Variants in DMD observed in about 807,000 individuals in gnomAD.
DMD encodes the protein dystrophin.
Under a neutral mutation model 330.1 loss-of-function variants are expected in DMD, and 63 were observed. That is an observed-to-expected ratio of 0.19 (90% CI 0.16 to 0.24). The LOEUF (loss-of-function observed/expected upper bound fraction) is 0.24. Among genes scored for constraint, DMD ranks in the 10% least tolerant of loss-of-function variants. The probability of loss-of-function intolerance (pLI) is 1.00; values close to 1 mark genes in which losing one functional copy is unlikely to be tolerated. For synonymous variants in DMD, 1,223 were observed against 959.8 expected (o/e 1.27, Z -5.07); for missense variants, 3,344 against 2,684.1 (o/e 1.25, Z -5.43).
intron 77 of DMD, among the ~76,000 whole-genome samples, chrX:31,127,509 C>T (rs1191036619): frequency 8.9e-6 from 1 of 112,347 alleles, no homozygotes; most frequent in Non-Finnish European, 1.9e-5. Flanking sequence ...CTGTCTTGGG[C>T]ATGCAATTTC....
intron 63 of DMD, among the ~76,000 whole-genome samples, chrX:31,245,352 C>A (rs775444363): frequency 1.8e-5 from 2 of 111,573 alleles, no homozygotes; most frequent in East Asian, 2.8e-4. Context: ...GTTTTCCTCC[C>A]GAGCAAAATC....
intron 7 of DMD, among the ~76,000 whole-genome samples, chrX:32,758,564 G>A (rs2748318): frequency 0.44 from 48,707 of 109,653 alleles, 9,463 homozygotes; most frequent in African/African-American, 0.75. Context: ...GTTATTCAAC[G>A]ACCAAGACTC....
chrX:33,250,763 A>G (rs1017356650), intron 1 of DMD, among the ~76,000 whole-genome samples: 4 of 111,442 alleles, frequency 3.6e-5, no homozygotes, highest in Non-Finnish European at 5.6e-5. Flanking sequence ...CATTTAAAAT[A>G]TAAATATAAT....
chrX:31,341,173 C>G (rs1298569426), intron 61 of DMD, among the ~76,000 whole-genome samples: 1 of 112,059 alleles, frequency 8.9e-6, no homozygotes, highest in Non-Finnish European at 1.9e-5. Context: ...ATAGCAAACA[C>G]TTGAATAGCA....
chrX:31,451,900 G>A, intron 59 of DMD, among the ~76,000 whole-genome samples: 1 of 110,581 alleles, frequency 9.0e-6, no homozygotes, highest in East Asian at 2.9e-4. Flanking sequence ...ATAGCCTGAA[G>A]GCAAAATATT....
chrX:33,041,308 C>A (rs930955682), intron 1 of DMD: 14 of 1,042,180 alleles, frequency 1.3e-5, no homozygotes, highest in Middle Eastern at 3.6e-4. Context: ...CGCCGGCGAC[C>A]AAGCCTAAAT....
At chrX:32,465,477 G>A (rs1334991463) in intron 23 of DMD, among the ~76,000 whole-genome samples, 1 of 109,319 alleles carries the variant, frequency 9.1e-6, no homozygotes, top group African/African-American at 3.3e-5. Context: ...TTATCTAAGA[G>A]AACTTCAAGA....
chrX:32,763,908 A>G (rs768718621), intron 7 of DMD, among the ~76,000 whole-genome samples: 1 of 111,795 alleles, frequency 8.9e-6, no homozygotes, highest in South Asian at 3.7e-4. Context: ...CTGTTAAAAA[A>G]GACCCCAAAT....
intron 60 of DMD, among the ~76,000 whole-genome samples, chrX:31,356,117 T>C (rs188165660): frequency 1.5e-3 from 167 of 111,755 alleles, no homozygotes; most frequent in African/African-American, 3.6e-3. Flanking sequence ...TTAAACAGTG[T>C]TTCTTGCGTT....
chrX:31,517,102 C>T (rs1428700049), intron 55 of DMD, among the ~76,000 whole-genome samples: 1 of 111,431 alleles, frequency 9.0e-6, no homozygotes, highest in African/African-American at 3.3e-5. Flanking sequence ...TCTTCTCATC[C>T]AGTCACAATG....
At chrX:31,732,534 T>C (rs1036764421) in intron 51 of DMD, among the ~76,000 whole-genome samples, 3 of 111,972 alleles carry the variant, frequency 2.7e-5, no homozygotes, top group African/African-American at 9.7e-5. Context: ...GGGTATTCTA[T>C]TTATTTGCTA....
chrX:32,047,027 A>G (rs1314829880), intron 44 of DMD, among the ~76,000 whole-genome samples: 1 of 111,617 alleles, frequency 9.0e-6, no homozygotes, highest in African/African-American at 3.2e-5. Flanking sequence ...TAGAGTTTAT[A>G]TATTTGTAAG....
At chrX:32,590,245 T>A (rs1323736884) in intron 13 of DMD, among the ~76,000 whole-genome samples, 1 of 112,513 alleles carries the variant, frequency 8.9e-6, no homozygotes, top group Non-Finnish European at 1.9e-5. Context: ...AATATGTTTA[T>A]TAACTGCATG....
chrX:32,014,019 C>T (rs997859111), intron 44 of DMD, among the ~76,000 whole-genome samples: 2 of 112,194 alleles, frequency 1.8e-5, no homozygotes, highest in African/African-American at 6.5e-5. Flanking sequence ...AATCATAGTG[C>T]ATATCAGTTT....
chrX:31,141,124 G>C (rs773591733), intron 76 of DMD, among the ~76,000 whole-genome samples: 68 of 111,092 alleles, frequency 6.1e-4, no homozygotes, highest in Non-Finnish European at 1.1e-3. Flanking sequence ...CCCAGGAGGT[G>C]GAGGTTGCAA....
chrX:32,152,581 AG>A (rs1343289978), intron 44 of DMD, among the ~76,000 whole-genome samples: 1 of 111,742 alleles, frequency 8.9e-6, no homozygotes, highest in African/African-American at 3.2e-5. Context: ...TTCAAATAAA[AG>A]TATGCCCTGC....
intron 43 of DMD, among the ~76,000 whole-genome samples, chrX:32,256,150 G>A (rs937114380): frequency 9.0e-6 from 1 of 110,663 alleles, no homozygotes; most frequent in Non-Finnish European, 1.9e-5. Context: ...CTTGCTTTAC[G>A]AATCTGGGTG....
intron 4 of DMD, among the ~76,000 whole-genome samples, chrX:32,841,653 C>G (rs1375485466): frequency 8.9e-6 from 1 of 111,809 alleles, no homozygotes; most frequent in African/African-American, 3.3e-5. Context: ...AAAATAAATA[C>G]TGAGTCTTAA....
intron 16 of DMD, among the ~76,000 whole-genome samples, chrX:32,549,982 AAC>A (rs754641590): frequency 1.8e-5 from 2 of 112,611 alleles, no homozygotes; most frequent in Non-Finnish European, 3.8e-5. Context: ...TGTATAACTT[AAC>A]AACTGGGACA....
Sources: gnomAD v4.1 joint callset for allele counts (sites outside exome capture counted in the v4.1 genomes callset) on GRCh38, gnomAD v4.1.1 for gene constraint, MANE v1.5 for transcripts, NCBI Gene and HGNC (gene_info 2026-07-23, HGNC 2026-07-21) for gene names.